Variants in CBX2 observed in about 807,000 individuals in gnomAD.
CBX2 encodes chromobox 2, also known as chromobox protein homolog 2.
Under a neutral mutation model 21.0 loss-of-function variants are expected in CBX2, and 11 were observed. The observed-to-expected ratio is 0.52, with a 90% CI of 0.33 to 0.87. The LOEUF is 0.87. Among genes scored for constraint, CBX2 ranks in the 40% least tolerant of loss-of-function variants. The pLI is 0.02. For synonymous variants in CBX2, 364 were observed against 304.6 expected (o/e 1.19, Z -2.03); for missense variants, 746 against 724.3 (o/e 1.03, Z -0.34).
chr17:79,782,998 T>G (rs1907346166), intron 4 of CBX2, among the ~76,000 whole-genome samples: 1 of 152,200 alleles, frequency 6.6e-6, no homozygotes, highest in East Asian at 1.9e-4. Context: ...TGAAGCCCAC[T>G]TGGTGTAGGC....
upstream of CBX2, chr17:79,778,077 GGCGGCGGGCCGGGGCGCGGGCGCGGA>G: frequency 2.5e-5 from 4 of 157,776 alleles, no homozygotes; most frequent in Non-Finnish European, 3.9e-5. The surrounding 1 kb of genome is among the most constrained non-coding windows in gnomAD (Gnocchi z 4.8). Context: ...CGCGGGGGCG[GGCGGCGGGCCGGGGCGCGGGCGCGGA>G]GCGGCGGTGC....
chr17:79,782,269 AGCCAGGGGGT>A, intron 4 of CBX2: 2 of 1,553,604 alleles, frequency 1.3e-6, no homozygotes, highest in Admixed American at 1.9e-5. Flanking sequence ...CTGACTGAAT[AGCCAGGGGGT>A]GCCAGGAGGG....
At chr17:79,783,094 C>T (rs781858247) in intron 4 of CBX2, among the ~76,000 whole-genome samples, 3 of 152,190 alleles carry the variant, frequency 2.0e-5, no homozygotes, top group Non-Finnish European at 4.4e-5. Context: ...TCCCTTTGAA[C>T]GTCTGCTCTA....
Position 79,784,317 on chromosome 17 carries a change from G to C in CBX2, c.874G>C (p.Val292Leu). 6.2e-7 allele frequency: 1 copy of C among 1,613,298 alleles called. No individual in the cohort carries two copies. The highest frequency in any genetic ancestry group is 8.5e-7 in the Non-Finnish European group (1 of 1,179,968). The change falls in exon 5 of 5, where the codon GTG becomes CTG. Residue 292 changes from valine (V) to leucine (L), a missense_variant. Transcript: ENST00000310942. The surrounding 1 kb of genome is among the most constrained non-coding windows in gnomAD (Gnocchi z 5.9). ...GTGCGGCCTCGGGCTGGACCTGAAG[G>C]TGAGGACGCAGAAAGGGGAGCTGGG... ...NKCGLGLDLK[V>L]RTQKGELGMS... is the part of the protein sequence containing the mutation.
chr17:79,785,394 C>G lies in CBX2; in HGVS notation c.*352C>G, dbSNP rs1446220091. ...GCGTTGTTGCTGAGTTTGAACTGCT[C>G]CTCCCTGGCCTGCGTGACTGAATCA... On this transcript the variant is annotated 3_prime_UTR_variant, in exon 5 of 5. Coordinates refer to ENST00000310942, the MANE Select transcript of CBX2 (RefSeq NM_005189.3). 1 of 353,980 alleles carries G rather than the reference C, an allele frequency of 2.8e-6. No individual in the cohort carries two copies. The allele number at this position is 353,980 out of a possible 1,614,324, so 21.9% of individuals were successfully genotyped here. A position where few individuals can be genotyped will look rare whatever the true frequency, so the allele number is the denominator to read the frequency against.
At chr17:79,780,197 C>A (rs1907070069) in intron 3 of CBX2, among the ~76,000 whole-genome samples, 1 of 152,196 alleles carries the variant, frequency 6.6e-6, no homozygotes, top group Admixed American at 6.5e-5. Flanking sequence ...CCCCTGGATC[C>A]CCTGGCTGGA....
In CBX2 at chr17:79,786,688, GC is replaced by G. The variant is rs1907661145; in HGVS notation, c.*1648del. The G allele has an allele frequency of 6.5e-6, 1 of 152,730 alleles. No homozygotes were observed. Among genetic ancestry groups the G allele is most frequent in the Admixed American group, 6.5e-5 (1 of 15,284 alleles). The allele number at this position is 152,730 out of a possible 1,614,324, so 9.5% of individuals were successfully genotyped here. ...CTGTTCCTCTGATTGGATGGAGTCC[GC>G]CAGCAGGCATGGGGCTACATTCCAG... On this transcript the variant is annotated 3_prime_UTR_variant, in exon 5 of 5. Transcript: ENST00000310942.
At chr17:79,783,509 A>T (rs1907390491) in intron 4 of CBX2, among the ~76,000 whole-genome samples, 1 of 151,196 alleles carries the variant, frequency 6.6e-6, no homozygotes, top group South Asian at 2.1e-4. Flanking sequence ...TCCCGATTTG[A>T]AGCAATTCTC....
In CBX2 at chr17:79,787,231, C is replaced by G. The variant is rs888119909; in HGVS notation, c.*2189C>G. Reference sequence around the variant, plus strand: ...CTTCACTGCTCCAAAGCCAGACTAACAGCTCTCCAAGCCCTTGGGGTGACT... The same window carrying G: ...CTTCACTGCTCCAAAGCCAGACTAAGAGCTCTCCAAGCCCTTGGGGTGACT... On this transcript the variant is annotated 3_prime_UTR_variant, in exon 5 of 5. Coordinates refer to ENST00000310942, the MANE Select transcript of CBX2 (RefSeq NM_005189.3). 6.6e-6 allele frequency: 1 copy of G among 152,556 alleles called. No homozygotes were observed. The highest frequency in any genetic ancestry group is 1.5e-5 in the Non-Finnish European group (1 of 68,086). 9.5% of individuals were successfully genotyped at this position (152,556 alleles called of 1,614,324 possible). A position where few individuals can be genotyped will look rare whatever the true frequency, so the allele number is the denominator to read the frequency against.
At position 79,784,819 on chromosome 17, in the gene CBX2, G is replaced by A. The variant is rs1486424031; in HGVS notation, c.1376G>A (p.Ser459Asn). 3.7e-6 allele frequency: 6 copies of A among 1,611,866 alleles called. No homozygotes were observed. In the East Asian group the frequency reaches 1.1e-4, roughly 30 times the overall value. Residue 459 changes from serine to asparagine, a missense_variant, in exon 5 of 5, where the codon AGC becomes AAC. Coordinates refer to ENST00000310942, the MANE Select transcript of CBX2 (RefSeq NM_005189.3). The surrounding 1 kb of genome is among the most constrained non-coding windows in gnomAD (Gnocchi z 5.9). ...ARKAATLPEM[S>N]AGEESSSSDS... ...AAGGCGGCCACACTGCCAGAGATGA[G>A]CGCAGGTGAGGAGAGTAGCAGCTCG...
chr17:79,784,123 C>T lies in CBX2; in HGVS notation c.680C>T (p.Ala227Val), dbSNP rs782217625. The T allele has an allele frequency of 1.2e-6, 2 of 1,611,876 alleles. No individual in the cohort carries two copies. Among genetic ancestry groups the T allele is most frequent in the South Asian group, 1.1e-5 (1 of 91,054 alleles). Residue 227 changes from alanine (A) to valine (V), a missense_variant, in exon 5 of 5, where the codon GCC becomes GTC. This residue lies in a region of CBX2 where 701 missense variants were observed against 650.7 expected (regional missense o/e 1.08). Coordinates refer to ENST00000310942, the MANE Select transcript of CBX2 (RefSeq NM_005189.3). The surrounding 1 kb of genome is among the most constrained non-coding windows in gnomAD (Gnocchi z 5.9). ...HAKEACGGPS[A>V]MATPENLASL... is the part of the protein sequence containing the mutation. ...AAGGAGGCCTGTGGCGGCCCCAGTGCCATGGCCACCCCAGAGAACCTGGCC... is the reference window on the plus strand; with the variant it reads ...AAGGAGGCCTGTGGCGGCCCCAGTGTCATGGCCACCCCAGAGAACCTGGCC...
chr17:79,783,410 C>CTT (rs67444092), intron 4 of CBX2, among the ~76,000 whole-genome samples: 3 of 140,632 alleles, frequency 2.1e-5, no homozygotes, highest in Admixed American at 7.1e-5. Flanking sequence ...TCTCCTTTAT[C>CTT]TTTTTTTTTT....
Sources: allele counts gnomAD v4.1 joint callset (sites outside exome capture counted in the v4.1 genomes callset), GRCh38; gene constraint gnomAD v4.1.1; regional missense constraint gnomAD v4.1.1; non-coding constraint Gnocchi (gnomAD v3.1); transcripts MANE v1.5; gene names NCBI Gene and HGNC (gene_info 2026-07-23, HGNC 2026-07-21).